TENM3: variants seen among roughly 807,000 people sequenced by gnomAD.
TENM3 encodes the protein teneurin-3.
A neutral mutation model predicts 255.1 loss-of-function variants in TENM3; 63 were observed. That is an observed-to-expected ratio of 0.25 (90% CI 0.20 to 0.30). The LOEUF is 0.30. Ranked by LOEUF, TENM3 falls within the 10% of genes least tolerant of loss-of-function variation. The pLI is 1.00. For missense variants in TENM3, 2,929 were observed against 3,461.1 expected, an observed-to-expected ratio of 0.85 and a Z score of 3.86; for synonymous variants, 1,306 against 1,322.3, an observed-to-expected ratio of 0.99 and a Z score of 0.27.
chr4:182,194,923 AT>A (rs775013180), intron 1 of TENM3, among the ~76,000 whole-genome samples: 175 of 152,000 alleles, frequency 1.2e-3, no homozygotes, highest in Non-Finnish European at 2.0e-3. Context: ...TCGTGATAGA[AT>A]TTATTTTTTA....
chr4:182,500,093 T>G (rs1048836518), intron 3 of TENM3, among the ~76,000 whole-genome samples: 1 of 152,182 alleles, frequency 6.6e-6, no homozygotes, highest in African/African-American at 2.4e-5. Flanking sequence ...GTTGTTCTGC[T>G]GTGTGTCTGA....
At chr4:182,455,553 C>CTTT (rs568361419) in intron 3 of TENM3, among the ~76,000 whole-genome samples, 7 of 73,136 alleles carry the variant, frequency 9.6e-5, no homozygotes, top group African/African-American at 2.6e-4. Context: ...CATGGTATTT[C>CTTT]TTTTTTTTTT....
At chr4:182,378,925 C>T (rs1055013100) in intron 3 of TENM3, among the ~76,000 whole-genome samples, 6 of 46,500 alleles carry the variant, frequency 1.3e-4, no homozygotes, top group Non-Finnish European at 2.3e-4. Flanking sequence ...ATTCTAAAAC[C>T]GTTTCCCTTG....
chr4:182,189,627 C>T (rs1035648313), intron 1 of TENM3, among the ~76,000 whole-genome samples: 9 of 152,114 alleles, frequency 5.9e-5, no homozygotes, highest in Admixed American at 1.3e-4. Context: ...GGTCTCAGTT[C>T]GCCCCCACAC....
At chr4:181,892,435 A>G in the TENM3 span, among the ~76,000 whole-genome samples, 1 of 152,204 alleles carries the variant, frequency 6.6e-6, no homozygotes. Context: ...TATACAATAG[A>G]GTAATTTTCA....
the TENM3 span, among the ~76,000 whole-genome samples, chr4:181,677,911 G>A: frequency 1.3e-5 from 2 of 151,986 alleles, no homozygotes; most frequent in African/African-American, 4.8e-5. Context: ...GCATGCCTCT[G>A]GTCTCCCAAT....
the TENM3 span, among the ~76,000 whole-genome samples, chr4:181,983,619 TTAAGTA>T: frequency 6.6e-6 from 1 of 152,134 alleles, no homozygotes; most frequent in Non-Finnish European, 1.5e-5. Flanking sequence ...AAAAGGTTTA[TTAAGTA>T]TAATTACCAA....
At chr4:181,927,056 C>T in the TENM3 span, among the ~76,000 whole-genome samples, 2 of 152,320 alleles carry the variant, frequency 1.3e-5, no homozygotes, top group African/African-American at 2.4e-5. Context: ...GCCACCAGAG[C>T]CCTGGGTTTC....
At chr4:181,959,156 A>G in the TENM3 span, among the ~76,000 whole-genome samples, 2 of 152,210 alleles carry the variant, frequency 1.3e-5, no homozygotes, top group Non-Finnish European at 2.9e-5. Context: ...TGGTTATGAT[A>G]CACTGAACTC....
the TENM3 span, among the ~76,000 whole-genome samples, chr4:181,905,639 T>A: frequency 2.1e-5 from 3 of 145,924 alleles, no homozygotes; most frequent in African/African-American, 7.7e-5. Flanking sequence ...TATGTTTTGA[T>A]GTTTACATAT....
intron 19 of TENM3, among the ~76,000 whole-genome samples, chr4:182,750,367 G>A (rs1282197307): frequency 1.3e-5 from 2 of 152,086 alleles, no homozygotes; most frequent in Admixed American, 6.6e-5. Flanking sequence ...GTATTTCTCT[G>A]TATACTAACA....
At chr4:181,833,885 C>G in the TENM3 span, among the ~76,000 whole-genome samples, 3 of 152,144 alleles carry the variant, frequency 2.0e-5, no homozygotes, top group African/African-American at 7.2e-5. Flanking sequence ...TACCTGGTTC[C>G]TAACACAGCA....
chr4:182,225,823 T>G (rs2149986463), intron 1 of TENM3, among the ~76,000 whole-genome samples: 1 of 152,304 alleles, frequency 6.6e-6, no homozygotes, highest in Admixed American at 6.5e-5. Flanking sequence ...GGGCCATGCC[T>G]GGAGTGAAGG....
chr4:181,636,551 T>C, the TENM3 span, among the ~76,000 whole-genome samples: 1 of 152,136 alleles, frequency 6.6e-6, no homozygotes, highest in Non-Finnish European at 1.5e-5. Flanking sequence ...CATCACTGTG[T>C]CATGACAGGT....
At chr4:182,458,295 T>A (rs1774031230) in intron 3 of TENM3, among the ~76,000 whole-genome samples, 1 of 152,232 alleles carries the variant, frequency 6.6e-6, no homozygotes, top group Non-Finnish European at 1.5e-5. Flanking sequence ...ATGGCTAATG[T>A]TTTTACTATT....
At chr4:182,051,180 C>T in the TENM3 span, among the ~76,000 whole-genome samples, 1 of 151,772 alleles carries the variant, frequency 6.6e-6, no homozygotes, top group Non-Finnish European at 1.5e-5. Context: ...CCCATCTCTA[C>T]TAAAAATACA....
At chr4:181,480,227 C>T in the TENM3 span, among the ~76,000 whole-genome samples, 1 of 151,834 alleles carries the variant, frequency 6.6e-6, no homozygotes, top group East Asian at 1.9e-4. Flanking sequence ...AAAATAAAGA[C>T]ACATGTTTTA....
chr4:182,314,973 G>A (rs973261572), intron 1 of TENM3, among the ~76,000 whole-genome samples: 5 of 151,930 alleles, frequency 3.3e-5, no homozygotes, highest in Middle Eastern at 6.3e-3. Flanking sequence ...CCCTGTTTAG[G>A]GTTTAAACTG....
At chr4:182,200,301 C>A (rs1450343740) in intron 1 of TENM3, among the ~76,000 whole-genome samples, 1 of 152,172 alleles carries the variant, frequency 6.6e-6, no homozygotes, top group Non-Finnish European at 1.5e-5. Context: ...GAACCCAAAT[C>A]ATCTTTAAAA....
Sources: gnomAD v4.1 joint callset for allele counts (sites outside exome capture counted in the v4.1 genomes callset) on GRCh38, gnomAD v4.1.1 for gene constraint, MANE v1.5 for transcripts, NCBI Gene and HGNC (gene_info 2026-07-23, HGNC 2026-07-21) for gene names.